SLC22A5: variants seen among roughly 807,000 people sequenced by gnomAD.
SLC22A5 encodes organic cation/carnitine transporter 2.
SLC22A5 carries 44 observed loss-of-function variants against 56.7 expected under a neutral mutation model. That is an observed-to-expected ratio of 0.78 (90% CI 0.61 to 1.00). The LOEUF is 1.00. SLC22A5 is among the 50% of genes least tolerant of loss of function. The pLI is 0.00. For synonymous variants in SLC22A5, 278 were observed against 292.1 expected (o/e 0.95, Z 0.49); for missense variants, 675 against 723.0 (o/e 0.93, Z 0.76).
rs773282630 is a variant in SLC22A5 at position 132,369,977 on chromosome 5, G to T, written c.5G>T (p.Arg2Leu). The T allele has an allele frequency of 6.2e-7, 1 of 1,612,914 alleles. No homozygotes were observed. The highest frequency in any genetic ancestry group is 2.2e-5 in the East Asian group (1 of 44,856). The change falls in exon 1 of 10, where the codon CGG (arginine) becomes CTG (leucine). Residue 2 changes from arginine (R) to leucine (L), a missense_variant. By Grantham distance (102) the Arg-to-Leu change is moderately radical. Coordinates refer to ENST00000245407, the MANE Select transcript of SLC22A5 (RefSeq NM_003060.4). ...CTGTGGGCCTCTGAGGGCGGCATGC[G>T]GGACTACGACGAGGTGACCGCCTTC... The part of the protein sequence containing the change: M[R>L]DYDEVTAFLG...
chr5:132,379,803 A>C (rs1358685603), intron 2 of SLC22A5: 1 of 152,196 alleles, frequency 6.6e-6, no homozygotes, highest in East Asian at 1.9e-4. Context: ...TTTTTTTAAA[A>C]AGCAGGTTAA....
intron 6 of SLC22A5, chr5:132,390,249 G>T (rs1752654798): frequency 3.1e-6 from 1 of 321,368 alleles, no homozygotes; most frequent in Admixed American, 4.7e-5. Context: ...TTGACCTAAT[G>T]TTGTTCCTTT....
chr5:132,376,557 G>A (rs1241654222), intron 1 of SLC22A5: 1 of 152,148 alleles, frequency 6.6e-6, no homozygotes, highest in Non-Finnish European at 1.5e-5. Flanking sequence ...CCTGTCCTGG[G>A]GTCTACAACC....
chr5:132,384,165 GC>G lies in SLC22A5; in HGVS notation c.517del (p.Leu173CysfsTer3). 1 of 1,614,240 alleles carries G rather than the reference GC, an allele frequency of 6.2e-7. No individual in the cohort carries two copies. The highest frequency in any genetic ancestry group is 2.2e-5 in the East Asian group (1 of 44,890). On this transcript the variant is annotated frameshift_variant, in exon 3 of 10. Transcript: ENST00000245407. LOFTEE classifies it high-confidence loss of function. ...LSDRFGRKNVLFVTMGMQTGF... is the reference protein window; with the variant it reads ...LSDRFGRKNVXFVTMGMQTGF... ...TTCCCAGGTTTGGCCGGAAGAATGT[GC>G]TGTTCGTGACCATGGGCATGCAGAC...
intron 2 of SLC22A5, chr5:132,380,732 C>T (rs1752319090): frequency 1.3e-5 from 2 of 152,284 alleles, no homozygotes; most frequent in South Asian, 4.1e-4. Context: ...GAACCACGTT[C>T]ATGGATATTG....
In SLC22A5 at chr5:132,387,122, G is replaced by T; in HGVS notation, c.922G>T (p.Val308Leu). The T allele has an allele frequency of 6.2e-7, 1 of 1,614,188 alleles. No individual in the cohort carries two copies. Among genetic ancestry groups the T allele is most frequent in the East Asian group, 2.2e-5 (1 of 44,888 alleles). The change falls in exon 5 of 10, where the codon GTG (valine) becomes TTG (leucine). Residue 308 changes from valine to leucine, a missense_variant. Transcript: ENST00000245407. ...GGCTGCCAAAGCCAATGGGATTGTT[G>T]TGCCTTCCACTATCTTTGACCCGAG... Reference protein sequence around the residue: ...RKAAKANGIVVPSTIFDPSEL... With the variant: ...RKAAKANGIVLPSTIFDPSEL...
intron 6 of SLC22A5, 45 bp from the exon 7 acceptor site, chr5:132,390,645 G>A: frequency 7.4e-7 from 1 of 1,350,920 alleles, no homozygotes; most frequent in Non-Finnish European, 1.1e-6. Context: ...GGTTGGGAAA[G>A]ATGTGGATAC....
At chr5:132,379,817 G>C (rs966189973) in intron 2 of SLC22A5, 2 of 152,160 alleles carry the variant, frequency 1.3e-5, no homozygotes, top group Non-Finnish European at 2.9e-5. Flanking sequence ...AGGTTAACCT[G>C]TTTATTATTC....
chr5:132,371,589 A>G (rs1448578080), intron 1 of SLC22A5, among the ~76,000 whole-genome samples: 3 of 152,148 alleles, frequency 2.0e-5, no homozygotes, highest in African/African-American at 7.2e-5. Flanking sequence ...GCATTGAGTA[A>G]GTAGCCAGTG....
At chr5:132,370,929 C>CT (rs1751891597) in intron 1 of SLC22A5, among the ~76,000 whole-genome samples, 1 of 150,294 alleles carries the variant, frequency 6.7e-6, no homozygotes. Context: ...AATTGTTTGC[C>CT]TTTTCCCATG....
intron 1 of SLC22A5, among the ~76,000 whole-genome samples, chr5:132,373,873 C>T (rs1041857973): frequency 2.6e-5 from 4 of 151,924 alleles, no homozygotes; most frequent in East Asian, 1.9e-4. Flanking sequence ...CTGGGCTGTC[C>T]GCTCTTTGGT....
chr5:132,369,866 G>T lies in SLC22A5; in HGVS notation c.-107G>T, dbSNP rs13180186. 116,942 of 1,456,946 alleles carry T rather than the reference G, an allele frequency of 0.08. 5,937 individuals are homozygous for T. The highest frequency in any genetic ancestry group is 0.29 in the East Asian group (12,313 of 41,946). The allele number at this position is 1,456,946 out of a possible 1,614,324, so 90.3% of individuals were successfully genotyped here. A position where few individuals can be genotyped will look rare whatever the true frequency, so the allele number is the denominator to read the frequency against. On this transcript the variant is annotated 5_prime_UTR_variant, in exon 1 of 10. Coordinates refer to ENST00000245407, the MANE Select transcript of SLC22A5 (RefSeq NM_003060.4). Reference sequence around the variant, plus strand: ...TACCCTCCGCGGACGGTCTTGGGTCGCCTGCTGCCTGGCTTGCCTGGTCGG... The same window carrying T: ...TACCCTCCGCGGACGGTCTTGGGTCTCCTGCTGCCTGGCTTGCCTGGTCGG...
chr5:132,372,169 T>C (rs569149117), intron 1 of SLC22A5, among the ~76,000 whole-genome samples: 1 of 152,278 alleles, frequency 6.6e-6, no homozygotes, highest in Non-Finnish European at 1.5e-5. Flanking sequence ...AACTGTGCTT[T>C]CTGGCCCATG....
At chr5:132,383,873 A>G (rs1309982165) in intron 2 of SLC22A5, 2 of 475,982 alleles carry the variant, frequency 4.2e-6, no homozygotes, top group Non-Finnish European at 7.6e-6. Context: ...GGATTAAATA[A>G]TTGATGTATT....
chr5:132,393,938 A>T (rs1752791888), intron 9 of SLC22A5, 127 bp downstream of exon 9: 2 of 1,187,418 alleles, frequency 1.7e-6, no homozygotes, highest in African/African-American at 3.0e-5. Context: ...TTAGCCATTA[A>T]AGGGTTGTAA....
At chr5:132,374,226 A>T (rs79806698) in intron 1 of SLC22A5, among the ~76,000 whole-genome samples, 1,808 of 151,890 alleles carry the variant, frequency 0.012, 41 homozygotes, top group African/African-American at 0.041. Context: ...TCTCAAAAAA[A>T]AAAAAGAAAA....
At chr5:132,370,470 C>A (rs1239899146) in intron 1 of SLC22A5, 105 bp downstream of exon 1, 43 of 1,280,620 alleles carry the variant, frequency 3.4e-5, no homozygotes, top group Non-Finnish European at 4.3e-5. Flanking sequence ...CGCTGTCACT[C>A]CCCCTCCCCC....
At chr5:132,392,694 G>A (rs548979358) in intron 8 of SLC22A5, 79 bp downstream of exon 8, 28 of 1,269,700 alleles carry the variant, frequency 2.2e-5, no homozygotes, top group African/African-American at 1.0e-4. Flanking sequence ...TGGAGGTTGC[G>A]TGTTAACAGG....
rs1343850918 is a variant in SLC22A5, at chr5:132,387,019, T to C, written c.825-6T>C. 5 of 1,614,156 alleles carry C rather than the reference T, an allele frequency of 3.1e-6. No homozygotes were observed. The South Asian group carries it at 4.4e-5, about 14-fold the overall frequency. On this transcript the variant is annotated splice_polypyrimidine_tract_variant and splice_region_variant and intron_variant, in intron 4 of 9. Transcript: ENST00000245407. ...GCCTCACTGAGATTGGACCTTGTAC[T>C]GCCAGGTTCATCCCTGAGTCCCCCC...
Sources: allele counts gnomAD v4.1 joint callset (sites outside exome capture counted in the v4.1 genomes callset), GRCh38; gene constraint gnomAD v4.1.1; transcripts MANE v1.5; gene names NCBI Gene and HGNC (gene_info 2026-07-23, HGNC 2026-07-21).